The following PSPC1 variants were observed in gnomAD, a reference collection of about 807,000 sequenced individuals.
PSPC1 encodes paraspeckle component 1, also known as paraspeckle protein 1.
PSPC1 carries 14 observed loss-of-function variants against 51.6 expected under a neutral mutation model. The ratio of observed to expected loss-of-function variants is 0.27; its 90% CI spans 0.18 to 0.42. The LOEUF is 0.42. Among genes scored for constraint, PSPC1 ranks in the 10% least tolerant of loss-of-function variants. PSPC1 has a pLI of 1.00. For synonymous variants in PSPC1, 193 were observed against 231.9 expected (o/e 0.83, Z 1.53); for missense variants, 406 against 701.1 (o/e 0.58, Z 4.75).
At chr13:19,697,644 T>G (rs1199772926), downstream of PSPC1, among the ~76,000 whole-genome samples, 1 of 152,130 alleles carries the variant, frequency 6.6e-6, no homozygotes, top group African/African-American at 2.4e-5. Flanking sequence ...CTCAAAGAAT[T>G]AACATACAGT....
chr13:19,779,086 G>A (rs1275126837), intron 1 of PSPC1, among the ~76,000 whole-genome samples: 6 of 113,768 alleles, frequency 5.3e-5, no homozygotes, highest in African/African-American at 1.6e-4. Context: ...GGTGAGGAGC[G>A]TCTCTGCCCG....
At chr13:19,744,881 T>C (rs933255054) in intron 4 of PSPC1, among the ~76,000 whole-genome samples, 1 of 152,188 alleles carries the variant, frequency 6.6e-6, no homozygotes, top group Non-Finnish European at 1.5e-5. Flanking sequence ...GATGTCTTTA[T>C]CTTTTGATCC....
At chr13:19,774,403 C>CA (rs1243877135) in intron 1 of PSPC1, among the ~76,000 whole-genome samples, 1 of 152,114 alleles carries the variant, frequency 6.6e-6, no homozygotes, top group Non-Finnish European at 1.5e-5. Context: ...CCCTTTATTG[C>CA]AAAAATCTAC....
intron 6 of PSPC1, among the ~76,000 whole-genome samples, chr13:19,696,430 C>T (rs1420454113): frequency 6.6e-6 from 1 of 151,984 alleles, no homozygotes; most frequent in East Asian, 1.9e-4. Flanking sequence ...AATAGATGCT[C>T]TCATTATGAA....
At chr13:19,778,353 ACCTCTC>A (rs1566061320) in intron 1 of PSPC1, among the ~76,000 whole-genome samples, 2 of 98,136 alleles carry the variant, frequency 2.0e-5, no homozygotes, top group African/African-American at 7.6e-5. Flanking sequence ...ACATATTAAG[ACCTCTC>A]CCTCTCCCCC....
At chr13:19,749,211 A>T (rs1263161475) in intron 4 of PSPC1, among the ~76,000 whole-genome samples, 2 of 152,096 alleles carry the variant, frequency 1.3e-5, no homozygotes, top group Non-Finnish European at 2.9e-5. Context: ...AGCCGAGTGT[A>T]GAGGCATACA....
chr13:19,748,668 C>G (rs183297399), intron 4 of PSPC1, among the ~76,000 whole-genome samples: 9 of 151,630 alleles, frequency 5.9e-5, no homozygotes, highest in Non-Finnish European at 1.2e-4. Flanking sequence ...TACCACTGTT[C>G]GTAGCATCAA....
At chr13:19,750,465 T>TAC (rs1434044155) in intron 4 of PSPC1, among the ~76,000 whole-genome samples, 1 of 150,550 alleles carries the variant, frequency 6.6e-6, no homozygotes, top group Non-Finnish European at 1.5e-5. Context: ...CAAAAATATA[T>TAC]ATATATATAT....
intron 6 of PSPC1, among the ~76,000 whole-genome samples, chr13:19,723,796 A>C (rs185822160): frequency 2.6e-4 from 39 of 152,362 alleles, no homozygotes; most frequent in African/African-American, 7.9e-4. Context: ...TATTGAGAAA[A>C]ATCCTTGGCT....
At chr13:19,776,992 G>T (rs1348735243) in intron 1 of PSPC1, among the ~76,000 whole-genome samples, 1 of 148,972 alleles carries the variant, frequency 6.7e-6, no homozygotes, top group African/African-American at 2.5e-5. Context: ...CTGGGCTGGT[G>T]TCATGCCTGT....
At chr13:19,713,748 C>T (rs1881743531) in intron 6 of PSPC1, among the ~76,000 whole-genome samples, 1 of 152,076 alleles carries the variant, frequency 6.6e-6, no homozygotes, top group African/African-American at 2.4e-5. Flanking sequence ...ATTCCCAGAA[C>T]CACATGTCAA....
At chr13:19,734,697 G>T (rs1362346282) in intron 5 of PSPC1, among the ~76,000 whole-genome samples, 1 of 152,148 alleles carries the variant, frequency 6.6e-6, no homozygotes, top group Non-Finnish European at 1.5e-5. Context: ...AGTTACTTGG[G>T]AGGCTAAGGC....
chr13:19,755,408 T>C (rs1365454079), intron 3 of PSPC1, among the ~76,000 whole-genome samples: 2 of 151,870 alleles, frequency 1.3e-5, no homozygotes, highest in Admixed American at 6.6e-5. Context: ...GCCAACATAG[T>C]GAAACTCCAT....
At chr13:19,674,557 A>C (rs1876422291), downstream of PSPC1, 1 of 152,178 alleles carries the variant, frequency 6.6e-6, no homozygotes, top group Non-Finnish European at 1.5e-5. Context: ...GTTAATGAGA[A>C]TATACTAGTG....
chr13:19,762,256 C>T (rs560522394), intron 2 of PSPC1, among the ~76,000 whole-genome samples: 38 of 152,210 alleles, frequency 2.5e-4, no homozygotes, highest in African/African-American at 8.9e-4. Flanking sequence ...AAACATAAAC[C>T]AGTGAGCAAA....
intron 6 of PSPC1, among the ~76,000 whole-genome samples, chr13:19,727,894 T>G (rs1316175892): frequency 6.6e-6 from 1 of 152,180 alleles, no homozygotes; most frequent in Non-Finnish European, 1.5e-5. Flanking sequence ...TAAATGCAAT[T>G]AAGACATATT....
chr13:19,673,212 C>G (rs75415579), downstream of PSPC1: 1 of 430,346 alleles, frequency 2.3e-6, no homozygotes, highest in Non-Finnish European at 4.5e-6. Context: ...CCACCACCCT[C>G]TCTGGGAAGA....
chr13:19,688,959 T>C (rs1256752313), intron 6 of PSPC1, among the ~76,000 whole-genome samples: 1 of 49,200 alleles, frequency 2.0e-5, no homozygotes, highest in African/African-American at 3.9e-5. Flanking sequence ...TGTGATAAAC[T>C]CTTAAAAAAA....
intron 2 of PSPC1, 142 bp from the exon 3 acceptor site, chr13:19,759,560 A>C: frequency 1.5e-6 from 1 of 656,292 alleles, no homozygotes; most frequent in East Asian, 2.8e-5. Context: ...TATCATTTGT[A>C]CTCATAAAAA....
Sources: allele counts gnomAD v4.1 joint callset (sites outside exome capture counted in the v4.1 genomes callset), GRCh38; gene constraint gnomAD v4.1.1; transcripts MANE v1.5; gene names NCBI Gene and HGNC (gene_info 2026-07-23, HGNC 2026-07-21).